EXOC4: variants seen among roughly 807,000 people sequenced by gnomAD.
The protein encoded by EXOC4 is SEC8-like 1.
Under a neutral mutation model 107.2 loss-of-function variants are expected in EXOC4, and 71 were observed. The ratio of observed to expected loss-of-function variants is 0.66; its 90% CI spans 0.55 to 0.81. The LOEUF (loss-of-function observed/expected upper bound fraction) is 0.81, where lower values mean the gene tolerates loss of function less well. Ranked by LOEUF, EXOC4 falls within the 30% of genes least tolerant of loss-of-function variation. The pLI is 0.00. For synonymous variants in EXOC4, 456 were observed against 441.2 expected (o/e 1.03, Z -0.42); for missense variants, 1,108 against 1,189.6 (o/e 0.93, Z 1.01).
intron 17 of EXOC4, among the ~76,000 whole-genome samples, chr7:134,044,248 A>G (rs771485737): frequency 2.6e-5 from 4 of 152,318 alleles, no homozygotes; most frequent in East Asian, 1.9e-4. Context: ...GAAGTAATCA[A>G]TAAGGCCACA....
intron 10 of EXOC4, among the ~76,000 whole-genome samples, chr7:133,772,681 T>C (rs1796269211): frequency 6.6e-6 from 1 of 152,108 alleles, no homozygotes; most frequent in South Asian, 2.1e-4. Context: ...GTTGAAATCA[T>C]AGATGTTAAC....
the EXOC4 span, among the ~76,000 whole-genome samples, chr7:134,074,916 T>C: frequency 6.6e-6 from 1 of 152,078 alleles, no homozygotes; most frequent in Admixed American, 6.5e-5. Flanking sequence ...AAAATGGAAC[T>C]GGACCATGGT....
intron 10 of EXOC4, among the ~76,000 whole-genome samples, chr7:133,786,236 ATCT>A (rs894943240): frequency 2.6e-5 from 4 of 152,286 alleles, no homozygotes; most frequent in Admixed American, 1.3e-4. Flanking sequence ...TCGTCTGCAA[ATCT>A]TCTCTCTGGG....
At chr7:133,458,582 T>C (rs984731380) in intron 7 of EXOC4, among the ~76,000 whole-genome samples, 111 of 149,936 alleles carry the variant, frequency 7.4e-4, no homozygotes, top group Middle Eastern at 3.5e-3. Flanking sequence ...AATTAAGATC[T>C]CTCTGTAAAG....
At chr7:134,049,624 T>C (rs1243743771) in intron 17 of EXOC4, among the ~76,000 whole-genome samples, 1 of 152,198 alleles carries the variant, frequency 6.6e-6, no homozygotes, top group East Asian at 1.9e-4. Flanking sequence ...CCTGTGATCT[T>C]AGAGAATCTC....
intron 14 of EXOC4, among the ~76,000 whole-genome samples, chr7:133,960,684 C>T (rs950872734): frequency 7.9e-5 from 12 of 152,062 alleles, no homozygotes; most frequent in African/African-American, 2.7e-4. Context: ...TTGATCATGG[C>T]GGGTTATCTT....
intron 6 of EXOC4, among the ~76,000 whole-genome samples, chr7:133,362,222 T>C (rs1005429780): frequency 6.6e-6 from 1 of 152,184 alleles, no homozygotes; most frequent in Non-Finnish European, 1.5e-5. Flanking sequence ...TCAACACTTT[T>C]CTAGTACTTA....
intron 2 of EXOC4, among the ~76,000 whole-genome samples, chr7:133,287,930 A>G (rs149007759): frequency 6.6e-6 from 1 of 152,324 alleles, no homozygotes; most frequent in East Asian, 1.9e-4. Context: ...ACTGATGGAC[A>G]TGTCCCATGT....
At chr7:133,379,666 AT>A (rs1385357209) in intron 7 of EXOC4, among the ~76,000 whole-genome samples, 1 of 151,382 alleles carries the variant, frequency 6.6e-6, no homozygotes, top group Non-Finnish European at 1.5e-5. Context: ...ACCCCCCCCC[AT>A]CTTTGGCTTT....
chr7:133,969,684 G>T (rs1331902505), intron 14 of EXOC4, among the ~76,000 whole-genome samples: 1 of 152,214 alleles, frequency 6.6e-6, no homozygotes, highest in African/African-American at 2.4e-5. Context: ...GAACAGCAAA[G>T]ATTGCTGCCT....
intron 5 of EXOC4, among the ~76,000 whole-genome samples, chr7:133,340,192 T>G (rs138084318): frequency 6.6e-6 from 1 of 152,150 alleles, no homozygotes; most frequent in African/African-American, 2.4e-5. Flanking sequence ...CTTTGTATGC[T>G]GATTTTGCAG....
intron 5 of EXOC4, among the ~76,000 whole-genome samples, chr7:133,354,988 C>T (rs571682284): frequency 6.6e-6 from 1 of 152,246 alleles, no homozygotes; most frequent in East Asian, 1.9e-4. Context: ...TCCTTAAGAG[C>T]GTTTTATAAG....
chr7:133,335,885 A>G (rs1048213406), intron 5 of EXOC4, among the ~76,000 whole-genome samples: 7 of 152,192 alleles, frequency 4.6e-5, no homozygotes, highest in Admixed American at 3.9e-4. Context: ...AGCTATCCTA[A>G]TGGGTATGAG....
At chr7:134,048,367 G>A (rs1795704598) in intron 17 of EXOC4, among the ~76,000 whole-genome samples, 1 of 152,190 alleles carries the variant, frequency 6.6e-6, no homozygotes, top group African/African-American at 2.4e-5. Flanking sequence ...AGAAAGTGCT[G>A]TTGTCATCAA....
chr7:134,040,875 G>A (rs1340695143), intron 17 of EXOC4, among the ~76,000 whole-genome samples: 1 of 152,150 alleles, frequency 6.6e-6, no homozygotes, highest in Non-Finnish European at 1.5e-5. Flanking sequence ...AACATATGTG[G>A]TATAGGTGGT....
At chr7:133,845,335 AGTGTGT>A (rs34845137) in intron 11 of EXOC4, among the ~76,000 whole-genome samples, 23 of 138,030 alleles carry the variant, frequency 1.7e-4, no homozygotes, top group East Asian at 1.2e-3. Context: ...GCAGGTTAGT[AGTGTGT>A]GTGTGTGTGT....
intron 10 of EXOC4, among the ~76,000 whole-genome samples, chr7:133,758,265 T>C (rs1795959074): frequency 6.6e-6 from 1 of 152,066 alleles, no homozygotes; most frequent in Admixed American, 6.5e-5. Context: ...CTGCCTCAGC[T>C]TCCTGAGTAG....
At chr7:133,323,066 C>A (rs925851175) in intron 5 of EXOC4, among the ~76,000 whole-genome samples, 2 of 152,162 alleles carry the variant, frequency 1.3e-5, no homozygotes, top group Admixed American at 6.5e-5. Flanking sequence ...GATTTTGTAT[C>A]CTGAGACTTT....
intron 5 of EXOC4, among the ~76,000 whole-genome samples, chr7:133,317,896 G>A (rs1277909912): frequency 6.6e-6 from 1 of 152,054 alleles, no homozygotes; most frequent in Non-Finnish European, 1.5e-5. Context: ...TGGCCAGGCT[G>A]GTCTCAAACT....
Sources: allele counts gnomAD v4.1 joint callset (sites outside exome capture counted in the v4.1 genomes callset), GRCh38; gene constraint gnomAD v4.1.1; transcripts MANE v1.5; gene names NCBI Gene and HGNC (gene_info 2026-07-23, HGNC 2026-07-21).